EDNRB: variants seen among roughly 807,000 people sequenced by gnomAD.
EDNRB encodes the protein Hirschsprung disease 2.
In EDNRB, 18 loss-of-function variants were observed where a neutral mutation model predicts 46.4. That is an observed-to-expected ratio of 0.39 (90% CI 0.27 to 0.57). The LOEUF is 0.57. Among genes scored for constraint, EDNRB ranks in the 20% least tolerant of loss-of-function variants. The pLI is 0.61. For missense variants in EDNRB, 434 were observed against 537.5 expected, an observed-to-expected ratio of 0.81 and a Z score of 1.90; for synonymous variants, 213 against 204.9, an observed-to-expected ratio of 1.04 and a Z score of -0.34.
intron 1 of EDNRB, among the ~76,000 whole-genome samples, chr13:77,931,583 C>T (rs944105642): frequency 1.1e-4 from 16 of 152,072 alleles, no homozygotes; most frequent in South Asian, 2.1e-4. Context: ...CTCTAACAAA[C>T]GCCAGGGCGT....
intron 1 of EDNRB, among the ~76,000 whole-genome samples, chr13:77,909,858 A>G (rs949818102): frequency 6.6e-6 from 1 of 151,992 alleles, no homozygotes; most frequent in Non-Finnish European, 1.5e-5. Flanking sequence ...TTTACTATTT[A>G]TATTTTCTAG....
chr13:77,950,940 C>G (rs910852774), intron 1 of EDNRB, among the ~76,000 whole-genome samples: 18 of 152,200 alleles, frequency 1.2e-4, no homozygotes, highest in East Asian at 3.9e-4. Context: ...TCCAAACCTG[C>G]GAGATTGTAT....
In EDNRB at chr13:77,901,111, T is replaced by A. The variant is rs1878952382; in HGVS notation, c.898A>T (p.Met300Leu). Residue 300 changes from methionine to leucine, a missense_variant, in exon 4 of 7, where the codon ATG (methionine) becomes TTG (leucine). Coordinates refer to ENST00000646607, the MANE Select transcript of EDNRB (RefSeq NM_001122659.3). Reference protein sequence around the residue: ...AFFYTLMTCEMLRKKSGMQIA... With the variant: ...AFFYTLMTCELLRKKSGMQIA... ...TGCATGCCACTTTTCTTTCTCAACA[T>A]TTCACAGGTCATTAGTGTATAAAAA... 1 of 1,611,520 alleles carries A rather than the reference T, an allele frequency of 6.2e-7. No homozygotes were observed. The highest frequency in any genetic ancestry group is 8.5e-7 in the Non-Finnish European group (1 of 1,178,468).
intron 1 of EDNRB, among the ~76,000 whole-genome samples, chr13:77,908,420 T>G (rs1879399017): frequency 1.9e-5 from 1 of 51,386 alleles, no homozygotes; most frequent in Admixed American, 2.7e-4. Flanking sequence ...AACTATGAAG[T>G]TTTGCCAAAA....
chr13:77,959,454 AC>A (rs1461849977), intron 1 of EDNRB, among the ~76,000 whole-genome samples: 1 of 152,180 alleles, frequency 6.6e-6, no homozygotes, highest in African/African-American at 2.4e-5. Context: ...CTTCCAGCAA[AC>A]TCCAACAGAC....
At chr13:77,937,536 C>T (rs1880602279) in intron 1 of EDNRB, among the ~76,000 whole-genome samples, 1 of 152,150 alleles carries the variant, frequency 6.6e-6, no homozygotes, top group South Asian at 2.1e-4. Context: ...TAAATGCTGA[C>T]TGATCTGAGA....
intron 1 of EDNRB, among the ~76,000 whole-genome samples, chr13:77,927,263 T>G (rs1454082401): frequency 6.6e-6 from 1 of 152,198 alleles, no homozygotes; most frequent in Non-Finnish European, 1.5e-5. Flanking sequence ...TCTAGATGCT[T>G]GAGTAAGTTC....
chr13:77,921,524 G>A (rs1880085624), upstream of EDNRB, among the ~76,000 whole-genome samples: 2 of 152,192 alleles, frequency 1.3e-5, no homozygotes, highest in Non-Finnish European at 2.9e-5. Context: ...TTAGTTGTGG[G>A]ACCAGGATTT....
chr13:77,919,387 G>T (rs1222773616), upstream of EDNRB: 2 of 1,606,766 alleles, frequency 1.2e-6, no homozygotes, highest in Non-Finnish European at 8.5e-7. Flanking sequence ...CACCAAGCCC[G>T]AATGTTTACC....
intron 1 of EDNRB, among the ~76,000 whole-genome samples, chr13:77,943,119 A>G (rs10507875): frequency 0.17 from 26,313 of 152,104 alleles, 2,735 homozygotes; most frequent in East Asian, 0.53. Context: ...GTCTCCTTCC[A>G]TAAAAGCTAT....
chr13:77,941,838 T>A lies in EDNRB; in HGVS notation c.-51-23214A>T, dbSNP rs140367526. ...CAAAAGCCTTGTCGAGAATACTGAG[T>A]TATATACAGTACCATTTTGAGTAAG... On this transcript the variant is annotated intron_variant, in intron 1 of 7. Coordinates refer to the EDNRB transcript ENST00000646948. 2.6e-5 allele frequency among the ~76,000 whole-genome samples: 4 copies of A among 152,336 alleles called. No homozygotes were observed. In the East Asian group the frequency reaches 7.7e-4, roughly 29 times the overall value.
chr13:77,971,687 T>C (rs1881736915), intron 1 of EDNRB, among the ~76,000 whole-genome samples: 1 of 152,158 alleles, frequency 6.6e-6, no homozygotes, highest in Non-Finnish European at 1.5e-5. Context: ...CACTAAAATA[T>C]TGACTTAAAT....
intron 1 of EDNRB, among the ~76,000 whole-genome samples, chr13:77,974,616 C>CTCTCTCTTTTCTG (rs1555296037): frequency 5.6e-4 from 6 of 10,752 alleles, no homozygotes; most frequent in South Asian, 4.3e-3. Context: ...TCCTCTCTGC[C>CTCTCTCTTTTCTG]TCTCTCTCTC....
At position 77,918,718 on chromosome 13, in the gene EDNRB, C is replaced by CA; in HGVS notation, c.-146dup. ...CTAATACCGCCCGCAGCCTCTTCGCCAGTATCCACGCTCAAAAGTAACTCA... is the reference window on the plus strand; with the variant it reads ...CTAATACCGCCCGCAGCCTCTTCGCCAAGTATCCACGCTCAAAAGTAACTCA... On this transcript the variant is annotated 5_prime_UTR_variant, in exon 1 of 7. Coordinates refer to ENST00000646607, the MANE Select transcript of EDNRB (RefSeq NM_001122659.3). The surrounding 1 kb of genome is among the most constrained non-coding windows in gnomAD (Gnocchi z 4.5). 2 of 1,352,852 alleles carry CA rather than the reference C, an allele frequency of 1.5e-6. No homozygotes were observed. Among genetic ancestry groups the CA allele is most frequent in the Non-Finnish European group, 1.9e-6 (2 of 1,057,244 alleles). The allele number at this position is 1,352,852 out of a possible 1,614,324, so 83.8% of individuals were successfully genotyped here. A position where few individuals can be genotyped will look rare whatever the true frequency, so the allele number is the denominator to read the frequency against.
chr13:77,934,701 T>A (rs1002617488), intron 1 of EDNRB, among the ~76,000 whole-genome samples: 3 of 148,106 alleles, frequency 2.0e-5, no homozygotes, highest in Admixed American at 6.7e-5. Context: ...GCCTGAATAG[T>A]CCCTGAGGAG....
At chr13:77,916,245 A>T (rs1401011098) in intron 1 of EDNRB, among the ~76,000 whole-genome samples, 1 of 152,200 alleles carries the variant, frequency 6.6e-6, no homozygotes, top group Non-Finnish European at 1.5e-5. Flanking sequence ...ATCTTGTTAG[A>T]TTTATTTTAA....
chr13:77,923,778 CTTT>C (rs10709405), upstream of EDNRB, among the ~76,000 whole-genome samples: 3 of 140,176 alleles, frequency 2.1e-5, no homozygotes, highest in Non-Finnish European at 3.2e-5. Context: ...AAGAGAGGTA[CTTT>C]TTTTTTTTTT....
chr13:77,904,732 C>A (rs1002975783), intron 1 of EDNRB, among the ~76,000 whole-genome samples: 1 of 151,918 alleles, frequency 6.6e-6, no homozygotes, highest in Non-Finnish European at 1.5e-5. Flanking sequence ...GTGTCCCACA[C>A]TGGTAAATGA....
chr13:77,903,697 A>C (rs1164510583), intron 1 of EDNRB, 90 bp from the exon 2 acceptor site: 1 of 1,089,600 alleles, frequency 9.2e-7, no homozygotes, highest in African/African-American at 1.5e-5. Context: ...TAACATGCAG[A>C]GTAGGATAAA....
Sources: gnomAD v4.1 joint callset for allele counts (sites outside exome capture counted in the v4.1 genomes callset) on GRCh38, gnomAD v4.1.1 for gene constraint, Gnocchi (gnomAD v3.1) non-coding constraint, MANE v1.5 for transcripts, NCBI Gene and HGNC (gene_info 2026-07-23, HGNC 2026-07-21) for gene names.